NRF1: variants seen among roughly 807,000 people sequenced by gnomAD.
NRF1 encodes nuclear respiratory factor 1, also known as alpha palindromic-binding protein.
A neutral mutation model predicts 58.5 loss-of-function variants in NRF1; 5 were observed. The ratio of observed to expected loss-of-function variants is 0.09; its 90% CI spans 0.04 to 0.18. The LOEUF (loss-of-function observed/expected upper bound fraction) is 0.18. NRF1 is among the 10% of genes least tolerant of loss of function. The pLI, the probability that NRF1 is intolerant of heterozygous loss-of-function variation, is 1.00. For synonymous variants in NRF1, 224 were observed against 246.7 expected (o/e 0.91, Z 0.86); for missense variants, 288 against 657.7 (o/e 0.44, Z 6.15).
At chr7:129,662,007 GCAGT>G (rs1801793632) in intron 2 of NRF1, among the ~76,000 whole-genome samples, 1 of 150,682 alleles carries the variant, frequency 6.6e-6, no homozygotes, top group Non-Finnish European at 1.5e-5. Context: ...ATGGATAACA[GCAGT>G]CAAAGAGTGA....
intron 1 of NRF1, among the ~76,000 whole-genome samples, chr7:129,620,491 C>T (rs1014810488): frequency 6.6e-6 from 1 of 151,130 alleles, no homozygotes; most frequent in Non-Finnish European, 1.5e-5. Context: ...CGGGTTCAAG[C>T]GATTCTTCTG....
chr7:129,652,343 TGTGGGTTTGTATTAATACAA>T (rs1327841917), intron 1 of NRF1, among the ~76,000 whole-genome samples: 8 of 152,230 alleles, frequency 5.3e-5, no homozygotes, highest in Non-Finnish European at 1.0e-4. Context: ...TATATGTTCA[TGTGGGTTTGTATTAATACAA>T]GTAGAGATAG....
chr7:129,708,062 C>T (rs531115517), intron 5 of NRF1, among the ~76,000 whole-genome samples: 1 of 152,144 alleles, frequency 6.6e-6, no homozygotes, highest in Admixed American at 6.5e-5. Context: ...GAGTCTGATT[C>T]ATTGCTAAAA....
chr7:129,625,935 GC>G (rs1233578400), intron 1 of NRF1, among the ~76,000 whole-genome samples: 1 of 152,062 alleles, frequency 6.6e-6, no homozygotes. Context: ...ACCCGCCTTG[GC>G]CTCCCAAAGT....
chr7:129,669,249 A>G (rs1054487608), intron 2 of NRF1, among the ~76,000 whole-genome samples: 5 of 152,172 alleles, frequency 3.3e-5, no homozygotes, highest in Admixed American at 3.3e-4. Flanking sequence ...GCCTGGCCAG[A>G]TCTTGAGTTT....
chr7:129,696,383 CTG>C (rs1360200188), intron 5 of NRF1, among the ~76,000 whole-genome samples: 1 of 152,156 alleles, frequency 6.6e-6, no homozygotes, highest in Non-Finnish European at 1.5e-5. Context: ...TAAATAGATA[CTG>C]TGTGTTGGAA....
intron 3 of NRF1, among the ~76,000 whole-genome samples, chr7:129,675,969 A>T (rs1015851894): frequency 6.6e-6 from 1 of 152,196 alleles, no homozygotes; most frequent in African/African-American, 2.4e-5. Context: ...TCTGTTGTTT[A>T]GTGTAGCCAC....
In NRF1 at chr7:129,709,123, C is replaced by T; in HGVS notation, c.655C>T (p.Arg219Trp). 2 of 1,597,324 alleles carry T rather than the reference C, an allele frequency of 1.3e-6. No homozygotes were observed. Among genetic ancestry groups the T allele is most frequent in the Admixed American group, 1.7e-5 (1 of 58,112 alleles). Residue 219 changes from arginine to tryptophan, a missense_variant, in exon 6 of 11, where the codon CGG becomes TGG. Physicochemically the swap from Arg to Trp is moderately radical, Grantham distance 101. Coordinates refer to ENST00000393232, the MANE Select transcript of NRF1 (RefSeq NM_005011.5). The stretch of plus-strand genomic sequence containing the variant: ...AGAGATGCTCAAGTACTCTACAGGT[C>T]GGGGAAAACCAGGCTGGGGGAAAGA... ...IPEMLKYSTGRGKPGWGKESC... is the reference protein window; with the variant it reads ...IPEMLKYSTGWGKPGWGKESC...
chr7:129,648,833 G>C (rs1356822340), intron 1 of NRF1, among the ~76,000 whole-genome samples: 1 of 151,190 alleles, frequency 6.6e-6, no homozygotes, highest in Non-Finnish European at 1.5e-5. Flanking sequence ...ACTTTTACCT[G>C]CTGTTTTGTA....
At position 129,755,142 on chromosome 7, in the gene NRF1, G is replaced by C; in HGVS notation, c.1473G>C (p.Met491Ile). Reference sequence around the variant, plus strand: ...GGATATCAGACAGCGCAGTCACCATGGACGGCCAAGCTGTGGAGGTGGTGA... The same window carrying C: ...GGATATCAGACAGCGCAGTCACCATCGACGGCCAAGCTGTGGAGGTGGTGA... ...TTRISDSAVT[M>I]DGQAVEVVTL... Residue 491 changes from methionine (M) to isoleucine (I), a missense_variant, in exon 11 of 11, where the codon ATG (methionine) becomes ATC (isoleucine). By Grantham distance (10) the Met-to-Ile change is conservative. This residue lies in a region of NRF1 where 28 missense variants were observed against 32.6 expected (regional missense o/e 0.86). Transcript: ENST00000393232. The surrounding 1 kb of genome is among the most constrained non-coding windows in gnomAD (Gnocchi z 5.8). 6.2e-7 allele frequency: 1 copy of C among 1,613,580 alleles called. No individual in the cohort carries two copies. Among genetic ancestry groups the C allele is most frequent in the Non-Finnish European group, 8.5e-7 (1 of 1,179,846 alleles).
At chr7:129,728,391 C>G (rs544805590) in intron 10 of NRF1, among the ~76,000 whole-genome samples, 1 of 150,782 alleles carries the variant, frequency 6.6e-6, no homozygotes, top group Non-Finnish European at 1.5e-5. Flanking sequence ...ATCGCTTGAA[C>G]CCGAGAGGCA....
At chr7:129,634,191 T>C (rs1390223210) in intron 1 of NRF1, among the ~76,000 whole-genome samples, 1 of 152,048 alleles carries the variant, frequency 6.6e-6, no homozygotes, top group Admixed American at 6.6e-5. Flanking sequence ...CTTGCTGTTG[T>C]GTGGTAGATT....
At chr7:129,685,348 C>T (rs555474759) in intron 4 of NRF1, among the ~76,000 whole-genome samples, 3 of 152,070 alleles carry the variant, frequency 2.0e-5, no homozygotes, top group South Asian at 2.1e-4. Context: ...CTCAGGAATT[C>T]GAGGCTGCAG....
chr7:129,701,579 G>A (rs1056602129), intron 5 of NRF1, among the ~76,000 whole-genome samples: 8 of 150,386 alleles, frequency 5.3e-5, no homozygotes, highest in African/African-American at 9.8e-5. Flanking sequence ...TGGGTGATGA[G>A]TGAGGCTGTC....
chr7:129,714,429 A>G (rs1349519108), intron 8 of NRF1, among the ~76,000 whole-genome samples: 1 of 152,236 alleles, frequency 6.6e-6, no homozygotes, highest in Non-Finnish European at 1.5e-5. Flanking sequence ...AGAAACAGGA[A>G]GACCATTCCC....
At chr7:129,749,539 A>T (rs1276471376) in intron 10 of NRF1, among the ~76,000 whole-genome samples, 1 of 151,870 alleles carries the variant, frequency 6.6e-6, no homozygotes, top group Non-Finnish European at 1.5e-5. Flanking sequence ...CTGCTTGACG[A>T]GGAAATCTTT....
At chr7:129,683,312 T>TGA (rs1802367341) in intron 4 of NRF1, among the ~76,000 whole-genome samples, 1 of 141,846 alleles carries the variant, frequency 7.0e-6, no homozygotes, top group South Asian at 2.3e-4. Context: ...TGTGTGTGTG[T>TGA]GTGTGTGTGA....
chr7:129,650,971 A>G (rs1801520539), intron 1 of NRF1, among the ~76,000 whole-genome samples: 1 of 152,160 alleles, frequency 6.6e-6, no homozygotes, highest in Non-Finnish European at 1.5e-5. Flanking sequence ...GTCCAGCAAT[A>G]TGTCATATGT....
chr7:129,634,057 T>C (rs199769837), intron 1 of NRF1, among the ~76,000 whole-genome samples: 4 of 114,450 alleles, frequency 3.5e-5, no homozygotes, highest in African/African-American at 1.4e-4. Context: ...TATATATATA[T>C]ATATACACAC....
Sources: allele counts gnomAD v4.1 joint callset (sites outside exome capture counted in the v4.1 genomes callset), GRCh38; gene constraint gnomAD v4.1.1; regional missense constraint gnomAD v4.1.1; non-coding constraint Gnocchi (gnomAD v3.1); transcripts MANE v1.5; gene names NCBI Gene and HGNC (gene_info 2026-07-23, HGNC 2026-07-21).